KCTD8: variants seen among roughly 807,000 people sequenced by gnomAD.
KCTD8 encodes the protein BTB/POZ domain-containing protein KCTD8.
Under a neutral mutation model 31.5 loss-of-function variants are expected in KCTD8, and 27 were observed. The ratio of observed to expected loss-of-function variants is 0.86; its 90% CI spans 0.63 to 1.18. The LOEUF (loss-of-function observed/expected upper bound fraction) is 1.18, where lower values mean the gene tolerates loss of function less well. Among genes scored for constraint, KCTD8 ranks in the 50% most tolerant of loss-of-function variants. The pLI is 0.00. For missense variants in KCTD8, 658 were observed against 647.7 expected (o/e 1.02, Z -0.17); for synonymous variants, 290 against 280.0 (o/e 1.04, Z -0.36).
chr4:44,368,805 G>T (rs1719707140), intron 1 of KCTD8, among the ~76,000 whole-genome samples: 1 of 152,100 alleles, frequency 6.6e-6, no homozygotes, highest in Non-Finnish European at 1.5e-5. Context: ...AATATGAAGG[G>T]CAATGATGAC....
chr4:44,447,421 T>C (rs2109489309), intron 1 of KCTD8, 142 bp downstream of exon 1: 1 of 1,292,892 alleles, frequency 7.7e-7, no homozygotes, highest in Non-Finnish European at 1.0e-6. Context: ...CATAAGGGAA[T>C]CGTGCAGGGA....
chr4:44,333,602 T>G (rs968512279), intron 1 of KCTD8, among the ~76,000 whole-genome samples: 1 of 152,114 alleles, frequency 6.6e-6, no homozygotes, highest in African/African-American at 2.4e-5. Context: ...TCATTGACCT[T>G]ACCACTCATC....
At chr4:44,273,825 T>C (rs1302300784) in intron 1 of KCTD8, among the ~76,000 whole-genome samples, 1 of 151,974 alleles carries the variant, frequency 6.6e-6, no homozygotes, top group East Asian at 1.9e-4. Context: ...AATGATAATG[T>C]ACATTATAAT....
intron 1 of KCTD8, among the ~76,000 whole-genome samples, chr4:44,355,506 A>G (rs868861055): frequency 4.6e-5 from 7 of 152,304 alleles, no homozygotes; most frequent in Middle Eastern, 6.8e-3. Flanking sequence ...TAACTAATCA[A>G]CCAATGTAGT....
intron 1 of KCTD8, among the ~76,000 whole-genome samples, chr4:44,265,054 G>A (rs532424127): frequency 7.2e-5 from 11 of 152,278 alleles, no homozygotes; most frequent in East Asian, 5.8e-4. Context: ...CTCCCAGCAC[G>A]CAGCTGGAGA....
chr4:44,376,340 A>C (rs1719915883), intron 1 of KCTD8, among the ~76,000 whole-genome samples: 1 of 152,078 alleles, frequency 6.6e-6, no homozygotes, highest in Non-Finnish European at 1.5e-5. Flanking sequence ...TGTACTCAGA[A>C]GCTCTCCCAG....
At chr4:44,214,076 C>A (rs1714572917) in intron 1 of KCTD8, among the ~76,000 whole-genome samples, 1 of 152,132 alleles carries the variant, frequency 6.6e-6, no homozygotes, top group South Asian at 2.1e-4. Context: ...TAATTTAGTG[C>A]CACCCACTTA....
intron 1 of KCTD8, among the ~76,000 whole-genome samples, chr4:44,212,797 AT>A (rs1317841943): frequency 6.6e-6 from 1 of 152,176 alleles, no homozygotes; most frequent in African/African-American, 2.4e-5. Context: ...AAGTCTATAA[AT>A]TGTAGCTGGC....
In KCTD8 at chr4:44,338,402, T is replaced by A. The variant is rs1415959811; in HGVS notation, c.961+109161A>T. Among the ~76,000 whole-genome samples the A allele has an allele frequency of 1.3e-5, 2 of 152,172 alleles. 1 individual carries two copies. The highest frequency in any genetic ancestry group is 2.9e-5 in the Non-Finnish European group (2 of 68,012). On this transcript the variant is annotated intron_variant, in intron 1 of 1. Coordinates refer to ENST00000360029, the MANE Select transcript of KCTD8 (RefSeq NM_198353.3). ...TAAGTGAAGGTTTAACAGGTAAAGC[T>A]TATATCTCTAGGAAAACTATTCAGT... is the stretch of plus-strand genomic sequence containing the variant.
intron 1 of KCTD8, among the ~76,000 whole-genome samples, chr4:44,349,104 A>ACC (rs59543245): frequency 1.4e-5 from 2 of 143,272 alleles, no homozygotes; most frequent in Non-Finnish European, 3.1e-5. Flanking sequence ...CACTACCACC[A>ACC]ATGCTATCAT....
intron 1 of KCTD8, among the ~76,000 whole-genome samples, chr4:44,389,435 T>C (rs1720311980): frequency 6.6e-6 from 1 of 151,714 alleles, no homozygotes; most frequent in African/African-American, 2.4e-5. Context: ...TTCTGATACA[T>C]ACTATGACAT....
At chr4:44,248,033 G>GT (rs1715719249) in intron 1 of KCTD8, among the ~76,000 whole-genome samples, 1 of 151,836 alleles carries the variant, frequency 6.6e-6, no homozygotes, top group Admixed American at 6.6e-5. Flanking sequence ...TTCTTTTACT[G>GT]TTTGTTTTCC....
At chr4:44,359,902 A>T (rs1719452287) in intron 1 of KCTD8, among the ~76,000 whole-genome samples, 1 of 152,108 alleles carries the variant, frequency 6.6e-6, no homozygotes, top group South Asian at 2.1e-4. Flanking sequence ...TGCAGAGAAA[A>T]TATACATATT....
At chr4:44,414,536 C>A (rs1027934581) in intron 1 of KCTD8, among the ~76,000 whole-genome samples, 2 of 152,090 alleles carry the variant, frequency 1.3e-5, no homozygotes, top group East Asian at 1.9e-4. Context: ...ACAAGATGCA[C>A]CCTGACAAAA....
At chr4:44,286,960 T>G (rs1230012998) in intron 1 of KCTD8, among the ~76,000 whole-genome samples, 1 of 152,098 alleles carries the variant, frequency 6.6e-6, no homozygotes, top group Non-Finnish European at 1.5e-5. Context: ...AACTATTGGG[T>G]TTTTAGGTTA....
intron 1 of KCTD8, among the ~76,000 whole-genome samples, chr4:44,266,144 A>T (rs1716347872): frequency 6.6e-6 from 1 of 152,294 alleles, no homozygotes; most frequent in African/African-American, 2.4e-5. Context: ...AGCCAGAGAG[A>T]AAGGTTGGGT....
At chr4:44,288,829 G>T (rs2109383621) in intron 1 of KCTD8, among the ~76,000 whole-genome samples, 1 of 151,984 alleles carries the variant, frequency 6.6e-6, no homozygotes, top group East Asian at 1.9e-4. Flanking sequence ...CATATATACT[G>T]AGAAGTGTAT....
intron 1 of KCTD8, among the ~76,000 whole-genome samples, chr4:44,426,273 A>C (rs1427304564): frequency 6.6e-6 from 1 of 151,688 alleles, no homozygotes; most frequent in East Asian, 1.9e-4. Flanking sequence ...GGAAGAAAAT[A>C]ATCAAGAAGC....
intron 1 of KCTD8, among the ~76,000 whole-genome samples, chr4:44,411,902 T>C (rs538904613): frequency 2.0e-5 from 3 of 152,250 alleles, no homozygotes; most frequent in Admixed American, 2.0e-4. Flanking sequence ...GCTTGACTAC[T>C]AGATTTTGGA....
Sources: gnomAD v4.1 joint callset for allele counts (sites outside exome capture counted in the v4.1 genomes callset) on GRCh38, gnomAD v4.1.1 for gene constraint, MANE v1.5 for transcripts, NCBI Gene and HGNC (gene_info 2026-07-23, HGNC 2026-07-21) for gene names.